Variants in SYT14 observed in about 807,000 individuals in gnomAD.
SYT14 encodes synaptotagmin-14.
In SYT14, 32 loss-of-function variants were observed where a neutral mutation model predicts 74.2. That is an observed-to-expected ratio of 0.43 (90% CI 0.33 to 0.58). SYT14 has a LOEUF of 0.58. SYT14 is among the 20% of genes least tolerant of loss of function. SYT14 has a pLI of 0.05. For missense variants in SYT14, 791 were observed against 981.8 expected (o/e 0.81, Z 2.60); for synonymous variants, 298 against 337.7 (o/e 0.88, Z 1.29).
At chr1:210,160,749 C>G in exon 10 of SYT14, 1 of 1,613,754 alleles carries the variant, frequency 6.2e-7, no homozygotes, top group Non-Finnish European at 8.5e-7. Flanking sequence ...TAAGTTAACT[C>G]TACTGAATTC....
chr1:210,070,541 A>G (rs1222532559), intron 5 of SYT14, among the ~76,000 whole-genome samples: 2 of 152,048 alleles, frequency 1.3e-5, no homozygotes, highest in Non-Finnish European at 2.9e-5. Flanking sequence ...AGTGTTCTTT[A>G]TTGATTTTCC....
intron 5 of SYT14, among the ~76,000 whole-genome samples, chr1:210,029,279 A>G (rs190260530): frequency 2.0e-5 from 3 of 152,120 alleles, no homozygotes; most frequent in Non-Finnish European, 2.9e-5. Flanking sequence ...ATTTTCATGA[A>G]ATCCACTTTT....
At chr1:210,120,631 A>G (rs935468489) in intron 7 of SYT14, among the ~76,000 whole-genome samples, 1 of 152,194 alleles carries the variant, frequency 6.6e-6, no homozygotes, top group Non-Finnish European at 1.5e-5. Context: ...AGTACACTCT[A>G]TGATGTTCCC....
intron 5 of SYT14, among the ~76,000 whole-genome samples, chr1:210,030,437 A>T (rs1451007987): frequency 2.0e-5 from 3 of 152,134 alleles, no homozygotes; most frequent in Non-Finnish European, 4.4e-5. Flanking sequence ...TATAGGTGTG[A>T]GCTACTGCAC....
chr1:210,073,305 A>G (rs1044333833), intron 5 of SYT14, among the ~76,000 whole-genome samples: 3 of 152,038 alleles, frequency 2.0e-5, no homozygotes, highest in African/African-American at 7.2e-5. Context: ...CAAGAAAACA[A>G]AGCATTTTAG....
At chr1:209,990,633 CTTG>C (rs1412985029) in intron 2 of SYT14, among the ~76,000 whole-genome samples, 2 of 131,848 alleles carry the variant, frequency 1.5e-5, no homozygotes, top group Admixed American at 8.0e-5. Context: ...TATGATAATA[CTTG>C]TTATTTATCA....
intron 2 of SYT14, among the ~76,000 whole-genome samples, chr1:209,966,500 C>G (rs2079160712): frequency 6.6e-6 from 1 of 152,014 alleles, no homozygotes; most frequent in African/African-American, 2.4e-5. Flanking sequence ...CTATTTAGTT[C>G]TTCTTTAATT....
intron 5 of SYT14, among the ~76,000 whole-genome samples, chr1:210,075,615 G>A (rs985150250): frequency 2.6e-5 from 4 of 152,166 alleles, no homozygotes; most frequent in African/African-American, 9.7e-5. Context: ...TTACAGGCAT[G>A]AGCCACCGTG....
At chr1:210,142,891 CTT>C (rs990227585) in intron 7 of SYT14, among the ~76,000 whole-genome samples, 1 of 152,184 alleles carries the variant, frequency 6.6e-6, no homozygotes, top group Non-Finnish European at 1.5e-5. Context: ...TTTTAAAACA[CTT>C]ATGTGTTAGC....
At chr1:210,079,355 T>C (rs1374415161) in intron 5 of SYT14, among the ~76,000 whole-genome samples, 2 of 152,122 alleles carry the variant, frequency 1.3e-5, no homozygotes, top group Non-Finnish European at 2.9e-5. Flanking sequence ...GTTATATCCA[T>C]GTGACAAACC....
Position 210,033,693 on chromosome 1 carries a change from A to G in SYT14, c.1312+12439A>G, listed in dbSNP as rs149348792. Among the ~76,000 whole-genome samples the G allele has an allele frequency of 2.6e-3, 395 of 151,938 alleles. 3 individuals are homozygous for G. Among genetic ancestry groups the G allele is most frequent in the African/African-American group, 8.7e-3 (362 of 41,540 alleles). ...AGTCTCAGTAAGGCAGTTATTTACT[A>G]TCCAGATAGTTATGAAAAAAGCTTT... On this transcript the variant is annotated intron_variant, in intron 5 of 9. Coordinates refer to ENST00000637265, the Ensembl canonical transcript of SYT14.
rs35639848 is a variant in SYT14 at position 209,970,662 on chromosome 1, CTTTTTTTTT to C, written c.-486+17937_-486+17945del. 5.2e-3 allele frequency among the ~76,000 whole-genome samples: 325 copies of C among 62,806 alleles called. 7 individuals are homozygous for C. Among genetic ancestry groups the C allele is most frequent in the African/African-American group, 0.02 (300 of 15,144 alleles). The allele number at this position is 62,806 out of a possible 152,430, so 41.2% of individuals were successfully genotyped here. A position where few individuals can be genotyped will look rare whatever the true frequency, so the allele number is the denominator to read the frequency against. ...TTACAGATTGCTTTGGGCAGTATGG[CTTTTTTTTT>C]TTTTTTTTTTTTTTTTTTTTTTTTT... On this transcript the variant is annotated intron_variant, in intron 2 of 9. Transcript: ENST00000637265.
intron 2 of SYT14, among the ~76,000 whole-genome samples, chr1:209,991,832 G>GA (rs1301656205): frequency 2.3e-3 from 285 of 124,568 alleles, no homozygotes; most frequent in Middle Eastern, 4.0e-3. Flanking sequence ...TCCGTCTCGA[G>GA]AAAAAAAAAA....
At chr1:210,056,533 G>T (rs2081099337) in intron 5 of SYT14, among the ~76,000 whole-genome samples, 1 of 151,244 alleles carries the variant, frequency 6.6e-6, no homozygotes, top group African/African-American at 2.4e-5. Flanking sequence ...AGTTTTTTTG[G>T]GGCCGGGCAC....
At chr1:210,133,594 G>T (rs747454479) in intron 7 of SYT14, among the ~76,000 whole-genome samples, 2 of 152,030 alleles carry the variant, frequency 1.3e-5, no homozygotes, top group Non-Finnish European at 2.9e-5. Context: ...ATTTTCTCTT[G>T]CCTCCCATAT....
At chr1:209,979,448 T>A (rs1416292768) in intron 2 of SYT14, among the ~76,000 whole-genome samples, 1 of 152,150 alleles carries the variant, frequency 6.6e-6, no homozygotes, top group Non-Finnish European at 1.5e-5. Flanking sequence ...TCTTTTTTTT[T>A]TCCCAACTTT....
In SYT14 at chr1:210,079,288, A is replaced by C. The variant is rs75482684; in HGVS notation, c.1313-15034A>C. On this transcript the variant is annotated intron_variant, in intron 5 of 9. Coordinates refer to ENST00000637265, the Ensembl canonical transcript of SYT14. ...TCACTATTTGTGGGATGGGTTCAAT[A>C]GAAGCCCAAACCTCACCATCACACA... 3.2e-4 allele frequency among the ~76,000 whole-genome samples: 49 copies of C among 152,292 alleles called. 1 individual carries two copies. The East Asian group carries it at 8.9e-3, about 28-fold the overall frequency.
intron 5 of SYT14, among the ~76,000 whole-genome samples, chr1:210,074,063 A>T (rs1014567565): frequency 2.0e-5 from 3 of 152,182 alleles, no homozygotes; most frequent in African/African-American, 7.2e-5. Flanking sequence ...TAGAAGTTCC[A>T]TGGCCTTTTC....
chr1:209,950,679 A>G (rs2078897797), intron 1 of SYT14, among the ~76,000 whole-genome samples: 1 of 151,982 alleles, frequency 6.6e-6, no homozygotes, highest in Admixed American at 6.6e-5. Context: ...TAGAAATACT[A>G]TTTTCTAGTT....
Sources: allele counts gnomAD v4.1 joint callset (sites outside exome capture counted in the v4.1 genomes callset), GRCh38; gene constraint gnomAD v4.1.1; transcripts MANE v1.5; gene names NCBI Gene and HGNC (gene_info 2026-07-23, HGNC 2026-07-21).